FILIP1L: variants seen among roughly 807,000 people sequenced by gnomAD.
FILIP1L encodes filamin A interacting protein 1 like.
A neutral mutation model predicts 96.6 loss-of-function variants in FILIP1L; 55 were observed. That is an observed-to-expected ratio of 0.57 (90% confidence interval 0.46 to 0.71). FILIP1L has a LOEUF of 0.71. Among genes scored for constraint, FILIP1L ranks in the 30% least tolerant of loss-of-function variants. FILIP1L has a pLI of 0.00. For missense variants in FILIP1L, 1,304 were observed against 1,321.2 expected, an observed-to-expected ratio of 0.99 and a Z score of 0.20; for synonymous variants, 467 against 473.9, an observed-to-expected ratio of 0.99 and a Z score of 0.19.
chr3:99,892,745 T>G (rs1411578801), intron 4 of FILIP1L, among the ~76,000 whole-genome samples: 1 of 152,194 alleles, frequency 6.6e-6, no homozygotes, highest in Non-Finnish European at 1.5e-5. Flanking sequence ...CTCAAAGGCT[T>G]GCCCTTATGC....
At chr3:99,936,840 T>C (rs1707691853) in intron 1 of FILIP1L, among the ~76,000 whole-genome samples, 1 of 152,094 alleles carries the variant, frequency 6.6e-6, no homozygotes, top group African/African-American at 2.4e-5. Context: ...AAAATCCTGG[T>C]TTAACATTAA....
In FILIP1L at chr3:99,873,080, G is replaced by A. The variant is rs577598123; in HGVS notation, c.606-22010C>T. Among the ~76,000 whole-genome samples the A allele has an allele frequency of 4.5e-3, 688 of 152,280 alleles. 7 individuals are homozygous for A. The highest frequency in any genetic ancestry group is 0.016 in the African/African-American group (674 of 41,546). On this transcript the variant is annotated intron_variant, in intron 4 of 5. Coordinates refer to ENST00000477258, the MANE Select transcript of FILIP1L (RefSeq NM_001387850.1). ...ATAGGAGGTTCTAAAAGTCATTGCA[G>A]CACACTTTAAGCATAAGTGACTGGG...
intron 1 of FILIP1L, among the ~76,000 whole-genome samples, chr3:100,021,365 A>T (rs1392189942): frequency 6.6e-6 from 1 of 152,204 alleles, no homozygotes; most frequent in Non-Finnish European, 1.5e-5. Flanking sequence ...GCTGCCTTCC[A>T]AGTTCAGCAT....
chr3:99,890,386 T>C (rs1308349849), intron 4 of FILIP1L, among the ~76,000 whole-genome samples: 4 of 152,172 alleles, frequency 2.6e-5, no homozygotes, highest in African/African-American at 7.2e-5. Flanking sequence ...AGTCTGTAGA[T>C]TAGTGTCTTT....
At chr3:99,883,396 A>C (rs1392862125) in intron 4 of FILIP1L, among the ~76,000 whole-genome samples, 1 of 152,144 alleles carries the variant, frequency 6.6e-6, no homozygotes, top group Admixed American at 6.5e-5. Flanking sequence ...ATATTATATC[A>C]TTTTAGTCTT....
intron 1 of FILIP1L, among the ~76,000 whole-genome samples, chr3:99,984,608 C>T (rs1293944855): frequency 6.6e-6 from 1 of 152,200 alleles, no homozygotes; most frequent in East Asian, 1.9e-4. Context: ...AAAATTTCCC[C>T]CTTCAAGTGC....
chr3:100,017,333 A>G (rs1185953430), intron 1 of FILIP1L, among the ~76,000 whole-genome samples: 1 of 150,736 alleles, frequency 6.6e-6, no homozygotes. Context: ...GTGAAGTTAG[A>G]TGAGATTTGT....
chr3:99,931,473 G>A (rs1331043564), intron 1 of FILIP1L, among the ~76,000 whole-genome samples: 1 of 152,148 alleles, frequency 6.6e-6, no homozygotes, highest in Non-Finnish European at 1.5e-5. Flanking sequence ...ATTGTTGGGA[G>A]CTTTTATGGG....
intron 1 of FILIP1L, among the ~76,000 whole-genome samples, chr3:99,931,539 A>G (rs1707482997): frequency 1.3e-5 from 2 of 152,208 alleles, no homozygotes; most frequent in Non-Finnish European, 2.9e-5. Flanking sequence ...TAGGACAGAA[A>G]TGGCAGAGTT....
At chr3:100,017,394 C>G (rs747579328) in intron 1 of FILIP1L, among the ~76,000 whole-genome samples, 7 of 152,162 alleles carry the variant, frequency 4.6e-5, no homozygotes, top group Admixed American at 6.5e-5. Flanking sequence ...GTTACCTCTC[C>G]CATTATTAGT....
chr3:99,854,092 C>T (rs953715499), intron 4 of FILIP1L, among the ~76,000 whole-genome samples: 4 of 152,104 alleles, frequency 2.6e-5, no homozygotes, highest in Admixed American at 2.0e-4. Flanking sequence ...CACCCTAAAT[C>T]GTTATTTCTT....
chr3:99,897,157 G>A (rs1024324701), intron 4 of FILIP1L, among the ~76,000 whole-genome samples: 17 of 152,038 alleles, frequency 1.1e-4, no homozygotes, highest in African/African-American at 2.9e-4. Context: ...CCAGAAGTTC[G>A]AGACCAGCCT....
intron 3 of FILIP1L, chr3:99,926,026 A>G (rs1707282680): frequency 4.9e-6 from 1 of 202,658 alleles, no homozygotes; most frequent in Non-Finnish European, 8.7e-6. Context: ...TTAGATACAG[A>G]TGCAGTAAGT....
At chr3:99,853,568 A>G (rs1176134577) in intron 4 of FILIP1L, among the ~76,000 whole-genome samples, 2 of 152,202 alleles carry the variant, frequency 1.3e-5, no homozygotes, top group Admixed American at 6.5e-5. Flanking sequence ...CATTTTGTTC[A>G]GTGTTTTTGG....
At chr3:99,842,553 C>G (rs1426786588) in intron 5 of FILIP1L, among the ~76,000 whole-genome samples, 1 of 148,516 alleles carries the variant, frequency 6.7e-6, no homozygotes, top group African/African-American at 2.5e-5. Context: ...AATATCATAC[C>G]AGGACCATTT....
chr3:99,834,180 C>T (rs1261058030), intron 5 of FILIP1L, among the ~76,000 whole-genome samples: 1 of 152,142 alleles, frequency 6.6e-6, no homozygotes, highest in African/African-American at 2.4e-5. Flanking sequence ...AACAATGAAA[C>T]TTTATCACTA....
At position 99,933,426 on chromosome 3, in the gene FILIP1L, G is replaced by T. The variant is rs28615925; in HGVS notation, c.-10-2396C>A. Among the ~76,000 whole-genome samples the T allele has an allele frequency of 5.0e-3, 763 of 152,246 alleles. 6 individuals are homozygous for T. Among genetic ancestry groups the T allele is most frequent in the African/African-American group, 0.017 (720 of 41,542 alleles). On this transcript the variant is annotated intron_variant, in intron 1 of 5. Transcript: ENST00000477258. ...GGGAGGTTGGGGATGTGTAAGAGAT[G>T]AGATTGGGAAAAACCTCATTGTGTG...
chr3:99,983,391 T>TAC (rs1249848576), intron 1 of FILIP1L, among the ~76,000 whole-genome samples: 2 of 16,090 alleles, frequency 1.2e-4, no homozygotes, highest in African/African-American at 2.0e-4. Flanking sequence ...AATAAATAAA[T>TAC]ATATATATAT....
intron 1 of FILIP1L, among the ~76,000 whole-genome samples, chr3:100,099,649 A>G (rs1343663169): frequency 6.6e-6 from 1 of 152,226 alleles, no homozygotes; most frequent in Non-Finnish European, 1.5e-5. Context: ...GATTATCTCT[A>G]GAAAACTATA....
Sources: allele counts gnomAD v4.1 joint callset (sites outside exome capture counted in the v4.1 genomes callset), GRCh38; gene constraint gnomAD v4.1.1; transcripts MANE v1.5; gene names NCBI Gene and HGNC (gene_info 2026-07-23, HGNC 2026-07-21).